INTU: variants seen among roughly 807,000 people sequenced by gnomAD.
The protein encoded by INTU is protein inturned.
A neutral mutation model predicts 100.5 loss-of-function variants in INTU; 68 were observed. That is an observed-to-expected ratio of 0.68 (90% CI 0.56 to 0.83). The LOEUF is 0.83. INTU is among the 40% of genes least tolerant of loss of function. The pLI is 0.00. For synonymous variants in INTU, 357 were observed against 395.7 expected (o/e 0.90, Z 1.16); for missense variants, 1,071 against 1,114.7 (o/e 0.96, Z 0.56).
rs58439665 is a variant in INTU at position 127,696,532 on chromosome 4, C to G, written c.1450-3478C>G. ...ATGGACCCTGTACTAATGCCCCCCC[C>G]CTTTCATTTCTGGTATTAGTAATTT... On this transcript the variant is annotated intron_variant, in intron 8 of 15. Coordinates refer to ENST00000335251, the MANE Select transcript of INTU (RefSeq NM_015693.4). Among the ~76,000 whole-genome samples the G allele has an allele frequency of 1.2e-3, 180 of 151,892 alleles. 1 individual carries two copies. The East Asian group carries it at 0.028, about 24-fold the overall frequency.
chr4:127,706,935 C>T lies in INTU; in HGVS notation c.2237C>T (p.Ser746Phe). The change falls in exon 12 of 16, where the codon TCT (serine) becomes TTT (phenylalanine). Residue 746 changes from serine to phenylalanine, a missense_variant. Physicochemically the swap from Ser to Phe is radical, Grantham distance 155. Coordinates refer to ENST00000335251, the MANE Select transcript of INTU (RefSeq NM_015693.4). ...AVRKQRESQGSDGLEESGTLL... is the reference protein window; with the variant it reads ...AVRKQRESQGFDGLEESGTLL... ...CGGAAGCAAAGAGAATCTCAGGGCT[C>T]TGATGGTTTAGAAGAAAGTGGGACC... is the stretch of plus-strand genomic sequence containing the variant. The T allele has an allele frequency of 2.5e-6, 4 of 1,613,906 alleles. No homozygotes were observed. Among genetic ancestry groups the T allele is most frequent in the Non-Finnish European group, 2.5e-6 (3 of 1,179,894 alleles).
intron 13 of INTU, among the ~76,000 whole-genome samples, chr4:127,709,711 T>A (rs1244851630): frequency 7.0e-6 from 1 of 143,304 alleles, no homozygotes; most frequent in Non-Finnish European, 1.5e-5. Flanking sequence ...CTAATAGAAT[T>A]CACACACACA....
intron 12 of INTU, among the ~76,000 whole-genome samples, chr4:127,708,245 GGAGATACA>G (rs1365207571): frequency 6.6e-6 from 1 of 152,146 alleles, no homozygotes; most frequent in African/African-American, 2.4e-5. Flanking sequence ...ACTACACAAA[GGAGATACA>G]GAGATGAATA....
At chr4:127,634,885 T>C (rs1726999769) in intron 1 of INTU, among the ~76,000 whole-genome samples, 1 of 152,208 alleles carries the variant, frequency 6.6e-6, no homozygotes, top group Non-Finnish European at 1.5e-5. Flanking sequence ...TAAGCTGCAG[T>C]CATCATTACA....
At chr4:127,640,566 TATATATATATATATATATATATATAC>T (rs1469158443) in intron 1 of INTU, among the ~76,000 whole-genome samples, 1,619 of 72,348 alleles carry the variant, frequency 0.022, 145 homozygotes, top group African/African-American at 0.082. Flanking sequence ...TATATATATA[TATATATATATATATATATATATATAC>T]ATATACATAA....
At chr4:127,651,110 G>A (rs1463741152) in intron 2 of INTU, among the ~76,000 whole-genome samples, 66 of 151,994 alleles carry the variant, frequency 4.3e-4, no homozygotes, top group African/African-American at 1.4e-3. Flanking sequence ...TGTAGATTCT[G>A]GATATTAGCC....
Position 127,662,487 on chromosome 4 carries a change from C to T in INTU, c.769-894C>T, listed in dbSNP as rs529847459. 2.0e-5 allele frequency among the ~76,000 whole-genome samples: 3 copies of T among 152,180 alleles called. No homozygotes were observed. The South Asian group carries it at 6.2e-4, about 32-fold the overall frequency. On this transcript the variant is annotated intron_variant, in intron 3 of 15. Coordinates refer to ENST00000335251, the MANE Select transcript of INTU (RefSeq NM_015693.4). Reference sequence around the variant, plus strand: ...GTTTCATTCTTCTATGTGTGGCTATCCAATTTTGGTACTTCTTTGAAATGA... The same window carrying T: ...GTTTCATTCTTCTATGTGTGGCTATTCAATTTTGGTACTTCTTTGAAATGA...
At chr4:127,692,827 A>G (rs145986043) in intron 8 of INTU, among the ~76,000 whole-genome samples, 56 of 152,282 alleles carry the variant, frequency 3.7e-4, no homozygotes, top group African/African-American at 1.3e-3. Context: ...CCCCAGCACC[A>G]TTTGTTGAAT....
chr4:127,644,666 G>C (rs1371916734), intron 2 of INTU, among the ~76,000 whole-genome samples: 1 of 152,104 alleles, frequency 6.6e-6, no homozygotes, highest in Non-Finnish European at 1.5e-5. Context: ...ATTTTGTGTT[G>C]CTGATAAATT....
intron 4 of INTU, among the ~76,000 whole-genome samples, chr4:127,664,667 T>C (rs909059517): frequency 6.6e-6 from 1 of 152,048 alleles, no homozygotes; most frequent in African/African-American, 2.4e-5. Context: ...AACATTAATG[T>C]TTTAAAAATA....
At chr4:127,651,722 G>A (rs1727890650) in intron 2 of INTU, among the ~76,000 whole-genome samples, 1 of 151,602 alleles carries the variant, frequency 6.6e-6, no homozygotes, top group South Asian at 2.1e-4. Context: ...GGTTCCATAT[G>A]AACCTTAAAG....
intron 3 of INTU, among the ~76,000 whole-genome samples, chr4:127,662,511 G>C (rs182961830): frequency 2.3e-4 from 35 of 152,236 alleles, no homozygotes; most frequent in African/African-American, 8.4e-4. Context: ...TCTTTGAAAT[G>C]AACGAGTTAT....
chr4:127,679,897 C>G (rs542115045), intron 6 of INTU, among the ~76,000 whole-genome samples: 1 of 151,882 alleles, frequency 6.6e-6, no homozygotes, highest in Non-Finnish European at 1.5e-5. Context: ...ATCAAATAGA[C>G]GCAATAAAAA....
At chr4:127,691,980 A>ATATATATATATATATATATATATGTGTG (rs971919620) in intron 8 of INTU, among the ~76,000 whole-genome samples, 2 of 143,360 alleles carry the variant, frequency 1.4e-5, no homozygotes, top group African/African-American at 5.3e-5. Context: ...ATATATATAT[A>ATATATATATATATATATATATATGTGTG]TGTCACATTT....
rs1244484837 is a variant in INTU, at chr4:127,724,395, G to A, written c.*7959G>A. ...AGATCACACCACCGCACTTCTGCCTGTGGAACAGAATGAGACTCCGTCTCA... is the reference window on the plus strand; with the variant it reads ...AGATCACACCACCGCACTTCTGCCTATGGAACAGAATGAGACTCCGTCTCA... On this transcript the variant is annotated 3_prime_UTR_variant, in exon 16 of 16. Transcript: ENST00000335251. 2 of 148,946 alleles carry A rather than the reference G, an allele frequency of 1.3e-5. No homozygotes were observed. Among genetic ancestry groups the A allele is most frequent in the East Asian group, 4.0e-4 (2 of 5,012 alleles). The allele number at this position is 148,946 out of a possible 1,614,324, so 9.2% of individuals were successfully genotyped here. A position where few individuals can be genotyped will look rare whatever the true frequency, so the allele number is the denominator to read the frequency against.
At chr4:127,677,798 A>G (rs546284546) in intron 6 of INTU, among the ~76,000 whole-genome samples, 218 of 152,250 alleles carry the variant, frequency 1.4e-3, no homozygotes, top group African/African-American at 4.9e-3. Flanking sequence ...CGATCAAACT[A>G]CTCCGAGCTA....
chr4:127,715,435 C>T (rs1731234291), intron 15 of INTU, among the ~76,000 whole-genome samples: 1 of 152,136 alleles, frequency 6.6e-6, no homozygotes, highest in African/African-American at 2.4e-5. Context: ...TTAGAATCAC[C>T]TAAGTCACTT....
intron 4 of INTU, among the ~76,000 whole-genome samples, chr4:127,664,744 G>A (rs948742410): frequency 6.6e-6 from 1 of 151,200 alleles, no homozygotes; most frequent in Non-Finnish European, 1.5e-5. Flanking sequence ...TTCTCAGTCC[G>A]TGTCTTTATG....
In INTU at chr4:127,723,966, C is replaced by T. The variant is rs545967107; in HGVS notation, c.*7530C>T. On this transcript the variant is annotated 3_prime_UTR_variant, in exon 16 of 16. Transcript: ENST00000335251. ...CTAGCCTGGGCAACACAGTGAGACC[C>T]TGTCTCAAAAAAAAAAATCACATTC... is the stretch of plus-strand genomic sequence containing the variant. 9.1e-6 allele frequency: 1 copy of T among 110,226 alleles called. No homozygotes were observed. Among genetic ancestry groups the T allele is most frequent in the African/African-American group, 3.5e-5 (1 of 28,224 alleles). The allele number at this position is 110,226 out of a possible 1,614,324, so 6.8% of individuals were successfully genotyped here. A position where few individuals can be genotyped will look rare whatever the true frequency, so the allele number is the denominator to read the frequency against.
Sources: gnomAD v4.1 joint callset for allele counts (sites outside exome capture counted in the v4.1 genomes callset) on GRCh38, gnomAD v4.1.1 for gene constraint, MANE v1.5 for transcripts, NCBI Gene and HGNC (gene_info 2026-07-23, HGNC 2026-07-21) for gene names.